The following PGS1 variants were observed in gnomAD, a reference collection of about 807,000 sequenced individuals.
PGS1 encodes CDP-diacylglycerol--glycerol-3-phosphate 3-phosphatidyltransferase, mitochondrial.
PGS1 carries 44 observed loss-of-function variants against 58.3 expected under a neutral mutation model. The ratio of observed to expected loss-of-function variants is 0.75; its 90% CI spans 0.59 to 0.97. The LOEUF (loss-of-function observed/expected upper bound fraction) is 0.97, where lower values mean the gene tolerates loss of function less well. PGS1 is among the 50% of genes least tolerant of loss of function. The pLI, the probability that PGS1 is intolerant of heterozygous loss-of-function variation, is 0.00. For missense variants in PGS1, 684 were observed against 731.1 expected (o/e 0.94, Z 0.74); for synonymous variants, 330 against 311.0 (o/e 1.06, Z -0.64).
rs1321598030 is a variant in PGS1, at chr17:78,396,325, C to T, written c.351C>T (p.Ala117=). ...FELMKGQIRV[A]KRRVVMASLY... Reference sequence around the variant, plus strand: ...TCTCTCAGGGGCAGATAAGAGTAGCCAAGAGGCGGGTCGTGATGGCATCCC... The same window carrying T: ...TCTCTCAGGGGCAGATAAGAGTAGCTAAGAGGCGGGTCGTGATGGCATCCC... The change falls in exon 3 of 10, where the codon GCC becomes GCT. Residue 117 remains alanine, a synonymous_variant. Coordinates refer to ENST00000262764, the MANE Select transcript of PGS1 (RefSeq NM_024419.5). The T allele has an allele frequency of 6.2e-7, 1 of 1,613,608 alleles. No individual in the cohort carries two copies. The highest frequency in any genetic ancestry group is 8.5e-7 in the Non-Finnish European group (1 of 1,179,596).
chr17:78,409,617 C>G (rs2084455975), intron 7 of PGS1, among the ~76,000 whole-genome samples: 1 of 152,208 alleles, frequency 6.6e-6, no homozygotes, highest in African/African-American at 2.4e-5. Flanking sequence ...TGGGCCCTTA[C>G]AGTTTCTCAG....
chr17:78,419,843 G>T, intron 9 of PGS1, 168 bp downstream of exon 9: 1 of 1,395,082 alleles, frequency 7.2e-7, no homozygotes, highest in African/African-American at 1.4e-5. Context: ...AAAGTTAGAA[G>T]CTGGATGCTA....
At chr17:78,379,829 C>CA (rs372553390) in intron 1 of PGS1, among the ~76,000 whole-genome samples, 293 of 139,406 alleles carry the variant, frequency 2.1e-3, no homozygotes, top group Middle Eastern at 7.2e-3. Flanking sequence ...AACTCTGTTT[C>CA]AAAAAAAAAA....
intron 7 of PGS1, among the ~76,000 whole-genome samples, chr17:78,405,667 C>T (rs769694873): frequency 2.3e-4 from 35 of 152,206 alleles, no homozygotes; most frequent in Non-Finnish European, 3.4e-4. Flanking sequence ...CCTCTAGCAG[C>T]GGGACCATGA....
At chr17:78,422,595 T>TCAAGCGACCCTCCTGC (rs2085955691) in intron 9 of PGS1, among the ~76,000 whole-genome samples, 2 of 129,068 alleles carry the variant, frequency 1.5e-5, no homozygotes, top group South Asian at 2.6e-4. Flanking sequence ...CCTCATGGGC[T>TCAAGCGACCCTCCTGC]CAAGCGACCC....
chr17:78,397,806 T>G (rs1182789803), intron 3 of PGS1, among the ~76,000 whole-genome samples: 5 of 152,202 alleles, frequency 3.3e-5, no homozygotes, highest in Non-Finnish European at 7.3e-5. Context: ...GGGAGAAGAA[T>G]GGAATGTCCG....
chr17:78,421,904 C>T (rs1047014765), intron 9 of PGS1: 2 of 96,002 alleles, frequency 2.1e-5, no homozygotes, highest in Non-Finnish European at 4.4e-5. Flanking sequence ...GAGCAGCGGG[C>T]GGCGGGCGGC....
intron 6 of PGS1, among the ~76,000 whole-genome samples, chr17:78,401,925 G>A (rs1338177616): frequency 6.6e-6 from 1 of 152,198 alleles, no homozygotes; most frequent in African/African-American, 2.4e-5. Context: ...GCCAGGCATG[G>A]ATATGAGAGA....
chr17:78,411,025 AAG>A (rs1362824982), intron 7 of PGS1, among the ~76,000 whole-genome samples: 1 of 152,172 alleles, frequency 6.6e-6, no homozygotes, highest in Non-Finnish European at 1.5e-5. Context: ...AGAGCAGAGC[AAG>A]AGAAGGCTCC....
chr17:78,423,617 CTGCTGGGAATTGGG>C, intron 9 of PGS1: 1 of 390,298 alleles, frequency 2.6e-6, no homozygotes, highest in South Asian at 3.6e-5. Context: ...TTGCCTCTGG[CTGCTGGGAATTGGG>C]GCCTTTCCCC....
chr17:78,402,039 CA>C (rs1567972221), intron 6 of PGS1, among the ~76,000 whole-genome samples: 1 of 91,760 alleles, frequency 1.1e-5, no homozygotes, highest in Non-Finnish European at 2.4e-5. Flanking sequence ...CAGAGAGGCT[CA>C]GGGTGTGCGC....
chr17:78,393,311 C>T (rs1006641731), intron 2 of PGS1, among the ~76,000 whole-genome samples: 5 of 152,316 alleles, frequency 3.3e-5, no homozygotes, highest in South Asian at 2.1e-4. Flanking sequence ...CCACCCGCCT[C>T]GGCCTCCCAA....
intron 9 of PGS1, among the ~76,000 whole-genome samples, chr17:78,422,125 G>GAC (rs2085857656): frequency 6.6e-6 from 1 of 152,188 alleles, no homozygotes; most frequent in South Asian, 2.1e-4. Context: ...CACATTTTGT[G>GAC]GTTATTACCA....
At chr17:78,415,142 C>A in intron 8 of PGS1, 115 bp downstream of exon 8, 1 of 1,177,236 alleles carries the variant, frequency 8.5e-7, no homozygotes, top group Non-Finnish European at 1.2e-6. Flanking sequence ...GAGTGAGACT[C>A]AGAGCAGAGC....
At chr17:78,401,580 A>C (rs767239101) in intron 6 of PGS1, among the ~76,000 whole-genome samples, 3 of 152,096 alleles carry the variant, frequency 2.0e-5, no homozygotes, top group African/African-American at 4.8e-5. Context: ...GGAGGAGCTG[A>C]AGTTGGAACT....
At chr17:78,409,906 T>G (rs1329655753) in intron 7 of PGS1, among the ~76,000 whole-genome samples, 1 of 152,112 alleles carries the variant, frequency 6.6e-6, no homozygotes, top group Non-Finnish European at 1.5e-5. Flanking sequence ...AGGCCAGAAG[T>G]TTGAGACCAA....
At chr17:78,404,156 A>T in intron 7 of PGS1, 67 bp downstream of exon 7, 1 of 1,437,788 alleles carries the variant, frequency 7.0e-7, no homozygotes, top group Non-Finnish European at 9.2e-7. Flanking sequence ...GGGGGTGGGG[A>T]GCCCTGGCGC....
intron 6 of PGS1, among the ~76,000 whole-genome samples, chr17:78,401,099 T>TCA (rs1250271859): frequency 3.3e-5 from 5 of 151,612 alleles, no homozygotes; most frequent in African/African-American, 1.2e-4. Context: ...TGAGGCGGAG[T>TCA]CACTCAGGTT....
intron 8 of PGS1, 82 bp from the exon 9 acceptor site, chr17:78,419,464 G>GC (rs1314632297): frequency 8.0e-7 from 1 of 1,254,434 alleles, no homozygotes; most frequent in Non-Finnish European, 1.2e-6. Flanking sequence ...GCTGGCCTGA[G>GC]GGGCTGGGCT....
Sources: allele counts gnomAD v4.1 joint callset (sites outside exome capture counted in the v4.1 genomes callset), GRCh38; gene constraint gnomAD v4.1.1; transcripts MANE v1.5; gene names NCBI Gene and HGNC (gene_info 2026-07-23, HGNC 2026-07-21).